SLC71A1: variants seen among roughly 807,000 people sequenced by gnomAD.
SLC71A1 encodes solute carrier family 71 member 1, also known as hippocampus abundant gene transcript 1.
the SLC71A1 span, chr1:100,049,981 C>T: frequency 1.8e-4 from 281 of 1,594,776 alleles, no homozygotes; most frequent in Non-Finnish European, 2.3e-4. Context: ...TGCTTGGGGA[C>T]TATTGACAGC....
chr1:100,044,549 CTT>C, the SLC71A1 span, among the ~76,000 whole-genome samples: 1 of 100,308 alleles, frequency 1.0e-5, no homozygotes, highest in Non-Finnish European at 2.0e-5. Context: ...GAATTTTGCT[CTT>C]GTTTCCCAGG....
At chr1:100,067,974 C>T in the SLC71A1 span, 1 of 1,613,090 alleles carries the variant, frequency 6.2e-7, no homozygotes, top group Non-Finnish European at 8.5e-7. Context: ...TAATTTATTG[C>T]AGGTTTCAGC....
chr1:100,053,633 T>C, the SLC71A1 span, among the ~76,000 whole-genome samples: 1 of 152,160 alleles, frequency 6.6e-6, no homozygotes, highest in African/African-American at 2.4e-5. Flanking sequence ...GAATGTCTGG[T>C]TTGGGATTTA....
the SLC71A1 span, among the ~76,000 whole-genome samples, chr1:100,063,027 CTAAT>C: frequency 6.6e-6 from 1 of 151,252 alleles, no homozygotes; most frequent in African/African-American, 2.4e-5. Flanking sequence ...AAAAAATAGT[CTAAT>C]TAAGCTATAG....
At chr1:100,040,547 G>A in the SLC71A1 span, among the ~76,000 whole-genome samples, 1 of 151,988 alleles carries the variant, frequency 6.6e-6, no homozygotes, top group Non-Finnish European at 1.5e-5. Context: ...TGTAACCACC[G>A]CCTCCTGGGT....
At chr1:100,066,771 C>T in the SLC71A1 span, among the ~76,000 whole-genome samples, 9 of 152,064 alleles carry the variant, frequency 5.9e-5, no homozygotes, top group South Asian at 2.1e-4. Context: ...GGGCGGATCA[C>T]GAGGTCAGGA....
chr1:100,076,462 C>T, the SLC71A1 span, among the ~76,000 whole-genome samples: 6 of 152,204 alleles, frequency 3.9e-5, no homozygotes, highest in African/African-American at 7.2e-5. Flanking sequence ...GTTTATTAAC[C>T]GCTGATTATT....
the SLC71A1 span, among the ~76,000 whole-genome samples, chr1:100,040,417 T>C: frequency 3.3e-5 from 5 of 152,230 alleles, no homozygotes; most frequent in East Asian, 3.8e-4. Flanking sequence ...GTTGCTTATC[T>C]ACCTCTCTAC....
At chr1:100,043,753 T>TA in the SLC71A1 span, among the ~76,000 whole-genome samples, 2 of 152,202 alleles carry the variant, frequency 1.3e-5, no homozygotes, top group East Asian at 1.9e-4. Context: ...CTATTAGTCT[T>TA]ACGCCTTTGC....
the SLC71A1 span, among the ~76,000 whole-genome samples, chr1:100,052,242 T>C: frequency 2.6e-5 from 4 of 152,182 alleles, no homozygotes; most frequent in Non-Finnish European, 5.9e-5. Context: ...TGTGTATAGC[T>C]ATTTTTAAAA....
chr1:100,067,823 C>A, the SLC71A1 span, among the ~76,000 whole-genome samples: 2 of 151,792 alleles, frequency 1.3e-5, no homozygotes, highest in Non-Finnish European at 2.9e-5. Flanking sequence ...ACTCTCGCCC[C>A]CACAAGAAAA....
the SLC71A1 span, among the ~76,000 whole-genome samples, chr1:100,070,282 G>A: frequency 6.6e-6 from 1 of 152,274 alleles, no homozygotes; most frequent in Non-Finnish European, 1.5e-5. Context: ...GGATTATCTG[G>A]AAGAAGAGAA....
the SLC71A1 span, chr1:100,060,073 ATTTC>A: frequency 7.1e-7 from 1 of 1,406,620 alleles, no homozygotes; most frequent in Non-Finnish European, 9.6e-7. Flanking sequence ...ATGTTCCTTT[ATTTC>A]TTTCACTTGT....
At chr1:100,077,167 C>A in the SLC71A1 span, 3 of 1,298,200 alleles carry the variant, frequency 2.3e-6, no homozygotes, top group Non-Finnish European at 3.2e-6. Flanking sequence ...TTTTTCAGAC[C>A]ATAGTCTTGA....
chr1:100,075,125 T>C, the SLC71A1 span, among the ~76,000 whole-genome samples: 1 of 152,204 alleles, frequency 6.6e-6, no homozygotes, highest in Non-Finnish European at 1.5e-5. Context: ...TAATGATCTC[T>C]GCTTGAGAAG....
the SLC71A1 span, among the ~76,000 whole-genome samples, chr1:100,069,081 A>G: frequency 3.3e-5 from 5 of 152,168 alleles, no homozygotes; most frequent in Non-Finnish European, 7.3e-5. Context: ...TGCATTTCTA[A>G]TGGGGGTTAT....
chr1:100,046,141 A>G, the SLC71A1 span, among the ~76,000 whole-genome samples: 56 of 136,996 alleles, frequency 4.1e-4, no homozygotes, highest in African/African-American at 1.4e-3. Flanking sequence ...TTATACCAGT[A>G]TTATGCTGTT....
the SLC71A1 span, among the ~76,000 whole-genome samples, chr1:100,067,551 C>T: frequency 6.6e-6 from 1 of 152,162 alleles, no homozygotes; most frequent in African/African-American, 2.4e-5. Flanking sequence ...TGTCTCATAC[C>T]TGTACTCCCA....
At chr1:100,078,793 G>C in the SLC71A1 span, 1 of 336,026 alleles carries the variant, frequency 3.0e-6, no homozygotes, top group Non-Finnish European at 5.4e-6. Flanking sequence ...GATGAGGCTG[G>C]GCATGGTGGC....
Sources: allele counts gnomAD v4.1 joint callset (sites outside exome capture counted in the v4.1 genomes callset), GRCh38; gene constraint gnomAD v4.1.1; transcripts MANE v1.5; gene names NCBI Gene and HGNC (gene_info 2026-07-23, HGNC 2026-07-21).